The following NECTIN3 variants were observed in gnomAD, a reference collection of about 807,000 sequenced individuals.
NECTIN3 encodes the protein nectin-3.
In NECTIN3, 8 loss-of-function variants were observed where a neutral mutation model predicts 49.4. That is an observed-to-expected ratio of 0.16 (90% CI 0.10 to 0.29). The LOEUF is 0.29. Ranked by LOEUF, NECTIN3 falls within the 10% of genes least tolerant of loss-of-function variation. The pLI is 1.00. For missense variants in NECTIN3, 581 were observed against 654.6 expected, an observed-to-expected ratio of 0.89 and a Z score of 1.23; for synonymous variants, 277 against 241.1, an observed-to-expected ratio of 1.15 and a Z score of -1.38.
intron 1 of NECTIN3, chr3:111,072,808 T>C: frequency 2.2e-6 from 1 of 458,458 alleles, no homozygotes; most frequent in Non-Finnish European, 3.9e-6. Context: ...ACACTGCCCG[T>C]GCTTATTTTA....
At chr3:111,145,670 A>G (rs576850888) in intron 6 of NECTIN3, among the ~76,000 whole-genome samples, 4 of 152,332 alleles carry the variant, frequency 2.6e-5, no homozygotes, top group Admixed American at 2.0e-4. Flanking sequence ...CATCTGAGAA[A>G]TATGAATAAT....
chr3:111,130,091 G>A (rs2034330622), intron 5 of NECTIN3, among the ~76,000 whole-genome samples: 1 of 151,790 alleles, frequency 6.6e-6, no homozygotes, highest in South Asian at 2.1e-4. Flanking sequence ...CAAGCAGCTG[G>A]GACTACAGGT....
At chr3:111,180,929 G>C (rs1462828104) in intron 7 of NECTIN3, among the ~76,000 whole-genome samples, 1 of 152,106 alleles carries the variant, frequency 6.6e-6, no homozygotes, top group Admixed American at 6.6e-5. Flanking sequence ...AAAATGACAA[G>C]TTAGAGTTTT....
At position 111,085,698 on chromosome 3, in the gene NECTIN3, G is replaced by A. The variant is rs376540835; in HGVS notation, c.160+13521G>A. Among the ~76,000 whole-genome samples, 239 of 150,704 alleles carry A rather than the reference G, an allele frequency of 1.6e-3. 1 individual carries two copies. The highest frequency in any genetic ancestry group is 5.7e-3 in the African/African-American group (234 of 41,098). ...TTCATCCATGTTGTTGCATGTAGCA[G>A]TATTTTTTTTTTTTTTACCACTGTA... On this transcript the variant is annotated intron_variant, in intron 1 of 5. Transcript: ENST00000485303.
intron 6 of NECTIN3, among the ~76,000 whole-genome samples, chr3:111,146,203 G>C (rs1370572303): frequency 6.6e-6 from 1 of 152,106 alleles, no homozygotes; most frequent in African/African-American, 2.4e-5. Context: ...GGGAGGCCGA[G>C]GCGGGCGGAT....
At chr3:111,137,769 CTTTTTTTTTTT>C (rs3081495), downstream of NECTIN3, among the ~76,000 whole-genome samples, 3 of 100,044 alleles carry the variant, frequency 3.0e-5, no homozygotes, top group Non-Finnish European at 4.3e-5. Context: ...AAATTTTTTC[CTTTTTTTTTTT>C]TTTTTTTTTG....
At chr3:111,181,778 T>G (rs1366815093) in intron 7 of NECTIN3, among the ~76,000 whole-genome samples, 1 of 152,086 alleles carries the variant, frequency 6.6e-6, no homozygotes, top group African/African-American at 2.4e-5. Context: ...TTTTTCTTGC[T>G]AGGGGTTTTC....
intron 4 of NECTIN3, 139 bp downstream of exon 4, chr3:111,122,377 C>T (rs1246510256): frequency 3.4e-6 from 2 of 580,664 alleles, no homozygotes; most frequent in East Asian, 6.1e-5. Flanking sequence ...TCTTATCCTT[C>T]CCCACCTGTC....
intron 1 of NECTIN3, among the ~76,000 whole-genome samples, chr3:111,091,147 C>CAACA (rs2032244320): frequency 1.3e-5 from 2 of 152,116 alleles, no homozygotes; most frequent in Admixed American, 6.6e-5. Context: ...CCTCACTGCT[C>CAACA]CTAACACTAT....
chr3:111,184,466 G>C (rs1038728396), intron 7 of NECTIN3, among the ~76,000 whole-genome samples: 1 of 152,066 alleles, frequency 6.6e-6, no homozygotes, highest in African/African-American at 2.4e-5. Flanking sequence ...TGCTTGCCTG[G>C]CCTTCTGCTT....
Position 111,122,170 on chromosome 3 carries a change from A to C in NECTIN3, c.849A>C (p.Gly283=). ...GATATGATGGAAATTGGTTTGTAGG[A>C]AGAAAAGGTGTTAATCTCAAATGTA... ...VTGYDGNWFV[G]RKGVNLKCNA... is the part of the protein sequence containing the mutation. The change falls in exon 4 of 6, where the codon GGA becomes GGC. Residue 283 remains glycine, a synonymous_variant. Coordinates refer to ENST00000485303, the MANE Select transcript of NECTIN3 (RefSeq NM_015480.3). 1 of 1,613,612 alleles carries C rather than the reference A, an allele frequency of 6.2e-7. No homozygotes were observed. Among genetic ancestry groups the C allele is most frequent in the Non-Finnish European group, 8.5e-7 (1 of 1,179,658 alleles).
At chr3:111,109,242 C>T (rs2033351578) in intron 1 of NECTIN3, among the ~76,000 whole-genome samples, 1 of 152,056 alleles carries the variant, frequency 6.6e-6, no homozygotes, top group Non-Finnish European at 1.5e-5. Flanking sequence ...CCAGATACTA[C>T]CTTTGAGGTC....
At position 111,136,817 on chromosome 3, in the gene NECTIN3, T is replaced by C; in HGVS notation, c.*2602T>C. 1.1e-6 allele frequency: 1 copy of C among 950,264 alleles called. No individual in the cohort carries two copies. The highest frequency in any genetic ancestry group is 1.3e-6 in the Non-Finnish European group (1 of 798,102). The allele number at this position is 950,264 out of a possible 1,614,324, so 58.9% of individuals were successfully genotyped here. A position where few individuals can be genotyped will look rare whatever the true frequency, so the allele number is the denominator to read the frequency against. ...AAATATTTCAATGATATAATGAAGATGAATGCAACTCTTATTTTTCTGCCA... is the reference window on the plus strand; with the variant it reads ...AAATATTTCAATGATATAATGAAGACGAATGCAACTCTTATTTTTCTGCCA... On this transcript the variant is annotated 3_prime_UTR_variant, in exon 6 of 6. Coordinates refer to ENST00000485303, the MANE Select transcript of NECTIN3 (RefSeq NM_015480.3).
chr3:111,112,107 A>G lies in NECTIN3; in HGVS notation c.238A>G (p.Ile80Val), dbSNP rs199883976. The change falls in exon 2 of 6, where the codon ATT (isoleucine) becomes GTT (valine). Residue 80 changes from isoleucine (I) to valine (V), a missense_variant. By Grantham distance (29) the Ile-to-Val change is conservative. Coordinates refer to ENST00000485303, the MANE Select transcript of NECTIN3 (RefSeq NM_015480.3). The stretch of plus-strand genomic sequence containing the variant: ...AAAGAATGTTTCATTAAAGTGTTTA[A>G]TTGAAGTAAATGAAACCATAACACA... ...WGKNVSLKCLIEVNETITQIS... is the reference protein window; with the variant it reads ...WGKNVSLKCLVEVNETITQIS... The G allele has an allele frequency of 7.4e-6, 12 of 1,613,834 alleles. No individual in the cohort carries two copies. Among genetic ancestry groups the G allele is most frequent in the Middle Eastern group, 3.3e-4 (2 of 6,062 alleles).
intron 7 of NECTIN3, among the ~76,000 whole-genome samples, chr3:111,169,015 CAAAG>C (rs1259631830): frequency 7.4e-6 from 1 of 134,540 alleles, no homozygotes; most frequent in Admixed American, 7.6e-5. Flanking sequence ...TCTTTATTCA[CAAAG>C]AAAGGAAATC....
chr3:111,094,246 C>G (rs2032456074), intron 1 of NECTIN3, among the ~76,000 whole-genome samples: 1 of 151,710 alleles, frequency 6.6e-6, no homozygotes. Context: ...TGTCTATTGA[C>G]TTATTTTATA....
chr3:111,086,694 G>T (rs191069681), intron 1 of NECTIN3, among the ~76,000 whole-genome samples: 1 of 152,158 alleles, frequency 6.6e-6, no homozygotes, highest in East Asian at 1.9e-4. Context: ...CAGGTTTATT[G>T]TACTTAGTCT....
chr3:111,147,238 G>T (rs2034894858), intron 6 of NECTIN3, among the ~76,000 whole-genome samples: 1 of 152,086 alleles, frequency 6.6e-6, no homozygotes, highest in African/African-American at 2.4e-5. Flanking sequence ...ATCTTTGATA[G>T]ATTAATGGCA....
At chr3:111,130,796 A>G (rs937232708) in intron 5 of NECTIN3, among the ~76,000 whole-genome samples, 2 of 152,142 alleles carry the variant, frequency 1.3e-5, no homozygotes, top group East Asian at 1.9e-4. Context: ...CTCAAGAGGT[A>G]TAGTAGCTCT....
Sources: allele counts gnomAD v4.1 joint callset (sites outside exome capture counted in the v4.1 genomes callset), GRCh38; gene constraint gnomAD v4.1.1; transcripts MANE v1.5; gene names NCBI Gene and HGNC (gene_info 2026-07-23, HGNC 2026-07-21).